PCDHGA5: variants seen among roughly 807,000 people sequenced by gnomAD.
The protein encoded by PCDHGA5 is protocadherin gamma subfamily A, 5.
In PCDHGA5, 36 loss-of-function variants were observed where a neutral mutation model predicts 56.7. That is an observed-to-expected ratio of 0.64 (90% CI 0.49 to 0.84). The LOEUF (loss-of-function observed/expected upper bound fraction) is 0.84. PCDHGA5 is among the 40% of genes least tolerant of loss of function. The pLI, the probability that PCDHGA5 is intolerant of heterozygous loss-of-function variation, is 0.00. For synonymous variants in PCDHGA5, 563 were observed against 520.2 expected, an observed-to-expected ratio of 1.08 and a Z score of -1.12; for missense variants, 1,305 against 1,201.5, an observed-to-expected ratio of 1.09 and a Z score of -1.27.
At chr5:141,379,835 A>G (rs898204627) in intron 1 of PCDHGA5, among the ~76,000 whole-genome samples, 9 of 143,642 alleles carry the variant, frequency 6.3e-5, no homozygotes, top group Non-Finnish European at 3.1e-5. Context: ...AAGCATCAGG[A>G]AAAAAAACTA....
chr5:141,448,763 A>AC (rs1372638258), intron 1 of PCDHGA5, among the ~76,000 whole-genome samples: 11 of 151,572 alleles, frequency 7.3e-5, no homozygotes, highest in Admixed American at 5.3e-4. Flanking sequence ...ACACGGTGAA[A>AC]CCCCGTCTGT....
At chr5:141,371,610 A>C in intron 1 of PCDHGA5, 1 of 1,614,006 alleles carries the variant, frequency 6.2e-7, no homozygotes, top group Non-Finnish European at 8.5e-7. Context: ...CAGGTTGGTG[A>C]CAGATGGAGC....
chr5:141,410,086 G>C (rs759204005), intron 1 of PCDHGA5: 1 of 1,612,588 alleles, frequency 6.2e-7, no homozygotes, highest in Non-Finnish European at 8.5e-7. Flanking sequence ...AGGTGCGCAC[G>C]GCTCGAGCCT....
At chr5:141,373,899 T>C in intron 1 of PCDHGA5, 1 of 545,494 alleles carries the variant, frequency 1.8e-6, no homozygotes. Flanking sequence ...TCAAGTTACA[T>C]CCTCCAACAA....
At chr5:141,414,394 A>G in intron 1 of PCDHGA5, 1 of 1,613,930 alleles carries the variant, frequency 6.2e-7, no homozygotes, top group Non-Finnish European at 8.5e-7. Flanking sequence ...CAGTTATTAC[A>G]GATTGGTGAT....
chr5:141,510,949 G>C lies in PCDHGA5; in HGVS notation c.2572G>C (p.Ala858Pro), dbSNP rs762789865. The C allele has an allele frequency of 2.2e-5, 36 of 1,614,012 alleles. No homozygotes were observed. The highest frequency in any genetic ancestry group is 3.0e-5 in the Non-Finnish European group (35 of 1,180,020). ...CTGATCTTCCTCTGTCTCTGCAGAA[G>C]CTGCTGATGGGAGCTCCACCCTGGG... ...QAMILASASE[A>P]ADGSSTLGGG... is the part of the protein sequence containing the mutation. The change falls in exon 4 of 4, where the codon GCT (alanine) becomes CCT (proline). Residue 858 changes from alanine (A) to proline (P), a missense_variant and splice_region_variant. Coordinates refer to ENST00000518069, the MANE Select transcript of PCDHGA5 (RefSeq NM_018918.3).
rs753233498 is a variant in PCDHGA5 at position 141,364,455 on chromosome 5, G to A, written c.125G>A (p.Gly42Asp). Residue 42 changes from glycine to aspartate, a missense_variant, in exon 1 of 4, where the codon GGC (glycine) becomes GAC (aspartate). Gly to Asp is a moderately conservative substitution (Grantham distance 94). Transcript: ENST00000518069. ...TCGATGCCGGAGGAGCTGGACAAAG[G>A]CTCCTTCGTCGGCAACATAGCCAAG... ...RYSMPEELDK[G>D]SFVGNIAKDL... The A allele has an allele frequency of 1.9e-6, 3 of 1,614,000 alleles. No homozygotes were observed. The highest frequency in any genetic ancestry group is 2.5e-6 in the Non-Finnish European group (3 of 1,179,888).
intron 1 of PCDHGA5, among the ~76,000 whole-genome samples, chr5:141,467,254 T>C (rs1291193879): frequency 2.0e-5 from 3 of 152,248 alleles, no homozygotes; most frequent in Admixed American, 6.5e-5. Flanking sequence ...GGTTTCACCA[T>C]GTTGGCCAGG....
At position 141,476,455 on chromosome 5, in the gene PCDHGA5, G is replaced by A. The variant is rs572682842; in HGVS notation, c.2422-18352G>A. The A allele has an allele frequency of 1.2e-6, 2 of 1,614,034 alleles. No individual in the cohort carries two copies. The highest frequency in any genetic ancestry group is 2.2e-5 in the South Asian group (2 of 91,084). ...CTGTAACTCTGGAGTTGGTAGTGGA[G>A]AACCCGCTGGAGCTGTTCAGCGTGG... On this transcript the variant is annotated intron_variant, in intron 1 of 3. Coordinates refer to ENST00000518069, the MANE Select transcript of PCDHGA5 (RefSeq NM_018918.3). This position sits in a 1 kb window ranked among gnomAD's most constrained non-coding sequence, Gnocchi z 7.6.
At chr5:141,430,680 C>T (rs990086941) in intron 1 of PCDHGA5, 1 of 1,343,242 alleles carries the variant, frequency 7.4e-7, no homozygotes, top group Non-Finnish European at 1.0e-6. Flanking sequence ...TCCCAACTGT[C>T]CCATTCTATG....
chr5:141,380,058 C>G (rs1231461261), intron 1 of PCDHGA5, among the ~76,000 whole-genome samples: 1 of 151,888 alleles, frequency 6.6e-6, no homozygotes, highest in Non-Finnish European at 1.5e-5. Flanking sequence ...TGCCACCATG[C>G]CTAGCTAATT....
rs375834520 is a variant in PCDHGA5, at chr5:141,389,526, G to A, written c.2421+22775G>A. 145 of 1,613,070 alleles carry A rather than the reference G, an allele frequency of 9.0e-5. No homozygotes were observed. Among genetic ancestry groups the A allele is most frequent in the Non-Finnish European group, 1.2e-4 (141 of 1,179,758 alleles). ...GCTCAGCGCGAACGTGAGCCTGCGC[G>A]TGTTAGTGGACGACCGCAACGACAA... On this transcript the variant is annotated intron_variant, in intron 1 of 3. Coordinates refer to ENST00000518069, the MANE Select transcript of PCDHGA5 (RefSeq NM_018918.3).
At chr5:141,382,318 T>C (rs1233432296) in intron 1 of PCDHGA5, among the ~76,000 whole-genome samples, 2 of 152,250 alleles carry the variant, frequency 1.3e-5, no homozygotes, top group Non-Finnish European at 2.9e-5. Context: ...TACACTGATG[T>C]AAATATTTTC....
intron 1 of PCDHGA5, chr5:141,384,777 G>A: frequency 1.2e-6 from 2 of 1,613,860 alleles, no homozygotes; most frequent in Non-Finnish European, 1.7e-6. Context: ...CGGGCGAGGT[G>A]CGCACGGCTC....
intron 1 of PCDHGA5, chr5:141,374,138 C>A: frequency 6.2e-7 from 1 of 1,608,824 alleles, no homozygotes. Context: ...GCTCCTCACG[C>A]TCCTGGGGAC....
At chr5:141,474,115 G>A (rs1404490690) in intron 1 of PCDHGA5, among the ~76,000 whole-genome samples, 2 of 152,062 alleles carry the variant, frequency 1.3e-5, no homozygotes, top group South Asian at 2.1e-4. Context: ...CAACAACAAC[G>A]AAAATCTCAG....
chr5:141,474,970 A>G (rs1309289477), intron 1 of PCDHGA5, among the ~76,000 whole-genome samples: 4 of 152,212 alleles, frequency 2.6e-5, no homozygotes, highest in African/African-American at 9.6e-5. Context: ...TAATCATTAT[A>G]ATTTTGTTTG....
At chr5:141,481,999 C>T (rs958678555) in intron 1 of PCDHGA5, among the ~76,000 whole-genome samples, 7 of 149,942 alleles carry the variant, frequency 4.7e-5, no homozygotes, top group Admixed American at 2.0e-4. Flanking sequence ...GCAGGAGAAT[C>T]GCTTTATCTC....
chr5:141,428,658 T>C (rs932328483), intron 1 of PCDHGA5: 1 of 165,620 alleles, frequency 6.0e-6, no homozygotes, highest in Non-Finnish European at 1.3e-5. Context: ...TGAGTTCCAA[T>C]GAATGTCTTT....
Sources: gnomAD v4.1 joint callset for allele counts (sites outside exome capture counted in the v4.1 genomes callset) on GRCh38, gnomAD v4.1.1 for gene constraint, Gnocchi (gnomAD v3.1) non-coding constraint, MANE v1.5 for transcripts, NCBI Gene and HGNC (gene_info 2026-07-23, HGNC 2026-07-21) for gene names.